Variants in CAPNS1 observed in about 807,000 individuals in gnomAD.
CAPNS1 encodes the protein CANP small subunit.
Under a neutral mutation model 39.2 loss-of-function variants are expected in CAPNS1, and 32 were observed. The ratio of observed to expected loss-of-function variants is 0.82; its 90% CI spans 0.62 to 1.10. CAPNS1 has a LOEUF of 1.10. Ranked by LOEUF, CAPNS1 falls within the 50% of genes least tolerant of loss-of-function variation. The pLI, the probability that CAPNS1 is intolerant of heterozygous loss-of-function variation, is 0.00. For missense variants in CAPNS1, 353 were observed against 373.1 expected, an observed-to-expected ratio of 0.95 and a Z score of 0.44; for synonymous variants, 153 against 136.2, an observed-to-expected ratio of 1.12 and a Z score of -0.86.
chr19:36,150,022 G>A lies in CAPNS1; in HGVS notation c.*183G>A, dbSNP rs1280296646. On this transcript the variant is annotated 3_prime_UTR_variant, in exon 11 of 11. Coordinates refer to ENST00000246533, the MANE Select transcript of CAPNS1 (RefSeq NM_001749.4). Reference sequence around the variant, plus strand: ...ATCCAGGGCCCAATTTGCCCTGCCTGGAGTTCCCCCTGGCTCTAGGACACT... The same window carrying A: ...ATCCAGGGCCCAATTTGCCCTGCCTAGAGTTCCCCCTGGCTCTAGGACACT... 1.6e-5 allele frequency: 8 copies of A among 496,442 alleles called. No homozygotes were observed. The highest frequency in any genetic ancestry group is 2.7e-5 in the Non-Finnish European group (8 of 301,416). The allele number at this position is 496,442 out of a possible 1,614,324, so 30.8% of individuals were successfully genotyped here.
intron 9 of CAPNS1, chr19:36,148,256 G>C (rs1206154863): frequency 3.3e-5 from 5 of 151,662 alleles, no homozygotes; most frequent in African/African-American, 9.7e-5. Flanking sequence ...GGATCTACCA[G>C]CAAGAAGGCT....
chr19:36,142,416 C>A (rs1319515608), intron 3 of CAPNS1, 83 bp downstream of exon 3: 1 of 730,860 alleles, frequency 1.4e-6, no homozygotes, highest in African/African-American at 1.8e-5. Flanking sequence ...AGAAGCCCCA[C>A]CTTCCTCCCC....
Position 36,149,896 on chromosome 19 carries a change from C to G in CAPNS1, c.*57C>G. ...TTGCTATAGGAGTCACCTGGAGCCT[C>G]GGTCTCTCCCAGGGCCGATCCTGTC... On this transcript the variant is annotated 3_prime_UTR_variant, in exon 11 of 11. Transcript: ENST00000246533. The G allele has an allele frequency of 2.9e-6, 4 of 1,387,128 alleles. No homozygotes were observed. The highest frequency in any genetic ancestry group is 1.8e-5 in the South Asian group (1 of 55,518). The allele number at this position is 1,387,128 out of a possible 1,614,324, so 85.9% of individuals were successfully genotyped here.
At position 36,146,040 on chromosome 19, in the gene CAPNS1, C is replaced by T. The variant is rs913673073; in HGVS notation, c.590C>T (p.Ala197Val). ...ATTTGCAGTAGTGAACTCCCAGGTGCCTTTGAGGCAGCAGGTATGGCTGGC... is the reference window on the plus strand; with the variant it reads ...ATTTGCAGTAGTGAACTCCCAGGTGTCTTTGAGGCAGCAGGTATGGCTGGC... ...GTICSSELPG[A>V]FEAAGFHLNE... The change falls in exon 8 of 11, where the codon GCC becomes GTC. Residue 197 changes from alanine (A) to valine (V), a missense_variant. Physicochemically the swap from Ala to Val is moderately conservative, Grantham distance 64 (BLOSUM62 0). Transcript: ENST00000246533. The T allele has an allele frequency of 1.2e-6, 2 of 1,614,144 alleles. No individual in the cohort carries two copies. Among genetic ancestry groups the T allele is most frequent in the East Asian group, 4.5e-5 (2 of 44,894 alleles).
In CAPNS1 at chr19:36,150,012, T is replaced by G; in HGVS notation, c.*173T>G. 9 of 525,644 alleles carry G rather than the reference T, an allele frequency of 1.7e-5. No homozygotes were observed. The highest frequency in any genetic ancestry group is 2.4e-5 in the Non-Finnish European group (8 of 327,634). 32.6% of individuals were successfully genotyped at this position (525,644 alleles called of 1,614,324 possible). A position where few individuals can be genotyped will look rare whatever the true frequency, so the allele number is the denominator to read the frequency against. ...GCTTCTCAACATCCAGGGCCCAATTTGCCCTGCCTGGAGTTCCCCCTGGCT... is the reference window on the plus strand; with the variant it reads ...GCTTCTCAACATCCAGGGCCCAATTGGCCCTGCCTGGAGTTCCCCCTGGCT... On this transcript the variant is annotated 3_prime_UTR_variant, in exon 11 of 11. Coordinates refer to ENST00000246533, the MANE Select transcript of CAPNS1 (RefSeq NM_001749.4).
chr19:36,147,307 C>T lies in CAPNS1; in HGVS notation c.721+995C>T, dbSNP rs17886484. Reference sequence around the variant, plus strand: ...AGCCAGAATTTGAACTTGGATCTATCTGAGATCTGAGCTAAGTAAGAGAAG... The same window carrying T: ...AGCCAGAATTTGAACTTGGATCTATTTGAGATCTGAGCTAAGTAAGAGAAG... On this transcript the variant is annotated intron_variant, in intron 9 of 10. Transcript: ENST00000246533. Among the ~76,000 whole-genome samples, 797 of 152,286 alleles carry T rather than the reference C, an allele frequency of 5.2e-3. 26 individuals are homozygous for T. In the East Asian group the frequency reaches 0.081, roughly 15 times the overall value.
At chr19:36,142,605 C>A (rs776109817) in intron 3 of CAPNS1, 47 bp from the exon 4 acceptor site, 7 of 1,547,720 alleles carry the variant, frequency 4.5e-6, no homozygotes, top group Admixed American at 1.7e-5. Context: ...GGGAGCCGTC[C>A]TGGCCGGGTT....
chr19:36,141,120 G>C lies in CAPNS1; in HGVS notation c.109G>C (p.Gly37Arg). The change falls in exon 2 of 11, where the codon GGG (glycine) becomes CGG (arginine). Residue 37 changes from glycine (G) to arginine (R), a missense_variant. Coordinates refer to ENST00000246533, the MANE Select transcript of CAPNS1 (RefSeq NM_001749.4). Reference sequence around the variant, plus strand: ...GCTTGGAGGCCTGATCAGCGGGGCCGGGGGCGGCGGCGGCGGCGGCGGCGG... The same window carrying C: ...GCTTGGAGGCCTGATCAGCGGGGCCCGGGGCGGCGGCGGCGGCGGCGGCGG... ...NVLGGLISGA[G>R]GGGGGGGGGG... The C allele has an allele frequency of 7.3e-7, 1 of 1,376,960 alleles. No homozygotes were observed. 85.3% of individuals were successfully genotyped at this position (1,376,960 alleles called of 1,614,324 possible).
In CAPNS1 at chr19:36,141,573, C is replaced by G. The variant is rs527325094; in HGVS notation, c.209+353C>G. The G allele has an allele frequency of 6.0e-5, 67 of 1,121,134 alleles. 1 individual carries two copies. The South Asian group carries it at 1.9e-3, about 31-fold the overall frequency. The allele number at this position is 1,121,134 out of a possible 1,614,324, so 69.4% of individuals were successfully genotyped here. On this transcript the variant is annotated intron_variant, in intron 2 of 10. Transcript: ENST00000246533. ...GGAGATGAACGTTAAAGGTGCGGAG[C>G]CAATGCGTCTGAGTGACATTTTACG... is the stretch of plus-strand genomic sequence containing the variant.
intron 6 of CAPNS1, among the ~76,000 whole-genome samples, chr19:36,145,110 C>T (rs17879505): frequency 0.037 from 5,569 of 152,002 alleles, 103 homozygotes; most frequent in African/African-American, 0.055. Context: ...GGATTACAGG[C>T]ATGAACCACC....
chr19:36,146,105 C>T (rs1045724103), intron 8 of CAPNS1, 51 bp downstream of exon 8: 3 of 1,598,626 alleles, frequency 1.9e-6, no homozygotes, highest in Non-Finnish European at 2.6e-6. Context: ...GGTGAGAAAA[C>T]CTCTACTCAG....
At chr19:36,141,421 G>C (rs978684601) in intron 2 of CAPNS1, 139 of 1,321,834 alleles carry the variant, frequency 1.1e-4, no homozygotes, top group Non-Finnish European at 1.3e-4. Context: ...TCAGTCATTG[G>C]GGGCGGTGCT....
rs752673393 is a variant in CAPNS1 at position 36,142,328 on chromosome 19, C to A, written c.238C>A (p.Pro80Thr). 6.5e-7 allele frequency: 1 copy of A among 1,542,912 alleles called. No homozygotes were observed. The highest frequency in any genetic ancestry group is 8.8e-7 in the Non-Finnish European group (1 of 1,133,012). The change falls in exon 3 of 11, where the codon CCC becomes ACC. Residue 80 changes from proline (P) to threonine (T), a missense_variant. Transcript: ENST00000246533. ...GGCGGCTGCGCAGTACAACCCGGAG[C>A]CCCCGGTAAGCCCCCTCTGCAACCA... is the stretch of plus-strand genomic sequence containing the variant. ...SEAAAQYNPE[P>T]PPPRTHYSNI...
At chr19:36,149,512 T>C (rs968327975) in intron 9 of CAPNS1, 66 bp from the exon 10 acceptor site, 8 of 1,390,616 alleles carry the variant, frequency 5.8e-6, no homozygotes, top group Non-Finnish European at 6.6e-6. Flanking sequence ...ATTTGTGTAA[T>C]GTTATTATGC....
chr19:36,147,980 G>A (rs1285825049), intron 9 of CAPNS1: 2 of 151,970 alleles, frequency 1.3e-5, no homozygotes, highest in Admixed American at 6.6e-5. Context: ...TTTAGGGAGG[G>A]AGAATTGCTT....
intron 9 of CAPNS1, among the ~76,000 whole-genome samples, chr19:36,148,973 C>G (rs1160685647): frequency 6.6e-6 from 1 of 152,186 alleles, no homozygotes; most frequent in East Asian, 1.9e-4. Context: ...TGGGGACCTA[C>G]CTGTAAGACT....
intron 9 of CAPNS1, 111 bp from the exon 10 acceptor site, chr19:36,149,467 G>C: frequency 9.5e-7 from 1 of 1,056,848 alleles, no homozygotes; most frequent in South Asian, 2.1e-5. Context: ...TAAATACTCA[G>C]TGAAGTGCCA....
In CAPNS1 at chr19:36,145,998, C is replaced by T; in HGVS notation, c.548C>T (p.Thr183Ile). 6.2e-7 allele frequency: 1 copy of T among 1,614,232 alleles called. No individual in the cohort carries two copies. The highest frequency in any genetic ancestry group is 8.5e-7 in the Non-Finnish European group (1 of 1,180,030). Residue 183 changes from threonine to isoleucine, a missense_variant, in exon 8 of 11, where the codon ACT becomes ATT. Transcript: ENST00000246533. Reference sequence around the variant, plus strand: ...CAGGCCATATACAAACAGTTCGACACTGACCGATCAGGGACCATTTGCAGT... The same window carrying T: ...CAGGCCATATACAAACAGTTCGACATTGACCGATCAGGGACCATTTGCAGT... The part of the protein sequence containing the change: ...RWQAIYKQFD[T>I]DRSGTICSSE...
Position 36,146,316 on chromosome 19 carries a change from A to T in CAPNS1, c.721+4A>T. 6.3e-7 allele frequency: 1 copy of T among 1,591,450 alleles called. No individual in the cohort carries two copies. The highest frequency in any genetic ancestry group is 8.6e-7 in the Non-Finnish European group (1 of 1,159,556). On this transcript the variant is annotated splice_donor_region_variant and intron_variant, in intron 9 of 10. Transcript: ENST00000246533. Reference sequence around the variant, plus strand: ...GTCAGGCTGGACGCCATGTTCCGTGAGTGACAACCCAGCTGTCTTCCTGGG... The same window carrying T: ...GTCAGGCTGGACGCCATGTTCCGTGTGTGACAACCCAGCTGTCTTCCTGGG...
Sources: gnomAD v4.1 joint callset for allele counts (sites outside exome capture counted in the v4.1 genomes callset) on GRCh38, gnomAD v4.1.1 for gene constraint, MANE v1.5 for transcripts, NCBI Gene and HGNC (gene_info 2026-07-23, HGNC 2026-07-21) for gene names.